The following SCD5 variants were observed in gnomAD, a reference collection of about 807,000 sequenced individuals.
SCD5 encodes the protein stearoyl-CoA desaturase 5, also known as acyl-CoA-desaturase 4.
Under a neutral mutation model 30.4 loss-of-function variants are expected in SCD5, and 20 were observed. The observed-to-expected ratio is 0.66, with a 90% CI of 0.46 to 0.96. The LOEUF is 0.96. Ranked by LOEUF, SCD5 falls within the 40% of genes least tolerant of loss-of-function variation. The probability of loss-of-function intolerance (pLI) is 0.00; values close to 1 mark genes in which losing one functional copy is unlikely to be tolerated. For missense variants in SCD5, 381 were observed against 443.3 expected, an observed-to-expected ratio of 0.86 and a Z score of 1.26; for synonymous variants, 173 against 176.4, an observed-to-expected ratio of 0.98 and a Z score of 0.16.
intron 1 of SCD5, among the ~76,000 whole-genome samples, chr4:82,722,762 T>C (rs1211989013): frequency 7.5e-6 from 1 of 134,152 alleles, no homozygotes. Flanking sequence ...CCAAACTCCA[T>C]CTCAAAAAAA....
chr4:82,797,484 TG>T (rs1474731957), intron 1 of SCD5, among the ~76,000 whole-genome samples: 5 of 150,904 alleles, frequency 3.3e-5, no homozygotes, highest in Non-Finnish European at 5.9e-5. Context: ...AGGGGAATGG[TG>T]GTCGGCGCCC....
intron 1 of SCD5, among the ~76,000 whole-genome samples, chr4:82,744,165 G>C (rs1015633463): frequency 4.6e-5 from 7 of 152,120 alleles, no homozygotes; most frequent in African/African-American, 1.7e-4. Flanking sequence ...AATTGTATTT[G>C]TTGACCATGA....
At position 82,794,971 on chromosome 4, in the gene SCD5, A is replaced by C. The variant is rs554865650; in HGVS notation, c.232+3335T>G. Among the ~76,000 whole-genome samples, 3 of 152,150 alleles carry C rather than the reference A, an allele frequency of 2.0e-5. No homozygotes were observed. In the East Asian group the frequency reaches 5.8e-4, roughly 29 times the overall value. On this transcript the variant is annotated intron_variant, in intron 1 of 4. Coordinates refer to ENST00000319540, the MANE Select transcript of SCD5 (RefSeq NM_001037582.3). ...CGGCCGCTTTCTGTCCTTGAAAGTC[A>C]TGAACGCATTGCTGAGGACCTGGGG...
At chr4:82,732,080 C>A (rs1192423808) in intron 1 of SCD5, among the ~76,000 whole-genome samples, 3 of 151,976 alleles carry the variant, frequency 2.0e-5, no homozygotes, top group Non-Finnish European at 4.4e-5. Context: ...GAGGAAGATT[C>A]TTTTCTCTAC....
At chr4:82,652,482 CAA>C (rs776278124) in intron 3 of SCD5, among the ~76,000 whole-genome samples, 5 of 152,010 alleles carry the variant, frequency 3.3e-5, no homozygotes, top group Non-Finnish European at 5.9e-5. Flanking sequence ...CACTTTGGAC[CAA>C]GACAGAGTTG....
intron 1 of SCD5, among the ~76,000 whole-genome samples, chr4:82,716,148 G>A (rs545375622): frequency 6.6e-6 from 1 of 151,868 alleles, no homozygotes; most frequent in African/African-American, 2.4e-5. Flanking sequence ...CTTCTTCGAA[G>A]CCTCTTCCTT....
intron 1 of SCD5, among the ~76,000 whole-genome samples, chr4:82,752,765 A>G (rs1250076306): frequency 6.6e-6 from 1 of 152,102 alleles, no homozygotes; most frequent in Non-Finnish European, 1.5e-5. Context: ...CATTCTTCAC[A>G]CACACAGCTA....
At chr4:82,785,356 G>C (rs1227263455) in intron 1 of SCD5, among the ~76,000 whole-genome samples, 1 of 152,174 alleles carries the variant, frequency 6.6e-6, no homozygotes, top group African/African-American at 2.4e-5. Context: ...GCAAGACAAA[G>C]TTAGACCCCT....
At chr4:82,645,251 T>A (rs1008279372) in intron 3 of SCD5, among the ~76,000 whole-genome samples, 1 of 151,474 alleles carries the variant, frequency 6.6e-6, no homozygotes, top group African/African-American at 2.4e-5. Context: ...GAGGTGGAGA[T>A]TGCAGTGAGC....
chr4:82,682,565 A>G (rs1728600756), intron 2 of SCD5, among the ~76,000 whole-genome samples: 1 of 152,212 alleles, frequency 6.6e-6, no homozygotes, highest in Non-Finnish European at 1.5e-5. Context: ...CATAATATTC[A>G]ATACTGGGTA....
chr4:82,653,697 G>GATAGATAGATAGATAGAT (rs1727805412), intron 3 of SCD5, among the ~76,000 whole-genome samples: 1 of 142,896 alleles, frequency 7.0e-6, no homozygotes, highest in Non-Finnish European at 1.5e-5. Context: ...TAGATAGATA[G>GATAGATAGATAGATAGAT]ATAGATAGAT....
intron 1 of SCD5, among the ~76,000 whole-genome samples, chr4:82,709,375 A>G (rs191667417): frequency 5.8e-4 from 88 of 152,376 alleles, no homozygotes; most frequent in African/African-American, 2.0e-3. Context: ...CACTGAGCTC[A>G]GAACTGGGAG....
intron 1 of SCD5, among the ~76,000 whole-genome samples, chr4:82,795,661 A>G (rs1191460769): frequency 2.0e-5 from 3 of 151,936 alleles, no homozygotes; most frequent in African/African-American, 7.3e-5. Context: ...CTACAAAAAA[A>G]TGAAAAAGAA....
chr4:82,652,072 T>C (rs1727769335), intron 3 of SCD5, among the ~76,000 whole-genome samples: 1 of 152,226 alleles, frequency 6.6e-6, no homozygotes, highest in Non-Finnish European at 1.5e-5. Context: ...GTAACACTGA[T>C]GCTGCTGGTC....
At chr4:82,797,209 C>T (rs1479201211) in intron 1 of SCD5, among the ~76,000 whole-genome samples, 2 of 152,182 alleles carry the variant, frequency 1.3e-5, no homozygotes, top group African/African-American at 2.4e-5. Context: ...TTTCTTCCTT[C>T]CTCTTCCCCT....
intron 3 of SCD5, among the ~76,000 whole-genome samples, chr4:82,659,343 T>C (rs1727936017): frequency 6.6e-6 from 1 of 152,252 alleles, no homozygotes; most frequent in Admixed American, 6.5e-5. Context: ...AGTTCTGCTC[T>C]GATCTTAGTT....
intron 3 of SCD5, among the ~76,000 whole-genome samples, chr4:82,647,676 G>A (rs1361447318): frequency 2.0e-5 from 3 of 152,186 alleles, no homozygotes; most frequent in Middle Eastern, 3.2e-3. Flanking sequence ...GCTCCAGACA[G>A]CCTACCCTGA....
chr4:82,766,554 T>C (rs1721490503), intron 1 of SCD5, among the ~76,000 whole-genome samples: 1 of 152,246 alleles, frequency 6.6e-6, no homozygotes, highest in Non-Finnish European at 1.5e-5. Flanking sequence ...AATTCTTTCA[T>C]AAGTGTCATT....
intron 2 of SCD5, chr4:82,692,572 T>C (rs1243805322): frequency 6.6e-6 from 1 of 152,274 alleles, no homozygotes; most frequent in Non-Finnish European, 1.5e-5. Context: ...CGGTATCCCG[T>C]GTCAGGTTCT....
Sources: gnomAD v4.1 joint callset for allele counts (sites outside exome capture counted in the v4.1 genomes callset) on GRCh38, gnomAD v4.1.1 for gene constraint, MANE v1.5 for transcripts, NCBI Gene and HGNC (gene_info 2026-07-23, HGNC 2026-07-21) for gene names.